The following BTRC variants were observed in gnomAD, a reference collection of about 807,000 sequenced individuals.
BTRC encodes the protein beta-transducin repeat containing E3 ubiquitin protein ligase, also known as F-box/WD repeat-containing protein 1A.
In BTRC, 42 loss-of-function variants were observed where a neutral mutation model predicts 85.5. The observed-to-expected ratio is 0.49, with a 90% CI of 0.38 to 0.64. The LOEUF is 0.64. Ranked by LOEUF, BTRC falls within the 30% of genes least tolerant of loss-of-function variation. The pLI is 0.00. For synonymous variants in BTRC, 255 were observed against 263.3 expected, an observed-to-expected ratio of 0.97 and a Z score of 0.30; for missense variants, 594 against 743.5, an observed-to-expected ratio of 0.80 and a Z score of 2.34.
Position 101,550,840 on chromosome 10 carries a change from T to A in BTRC, c.1798T>A (p.Tyr600Asn). ...AEPPRSPSRT[Y>N]TYISR is the part of the protein sequence containing the mutation. The stretch of plus-strand genomic sequence containing the variant: ...ACCCCCCCGTTCCCCTTCTCGAACA[T>A]ACACCTACATCTCCAGATAAATAAC... The change falls in exon 14 of 15, where the codon TAC (tyrosine) becomes AAC (asparagine). Residue 600 changes from tyrosine (Y) to asparagine (N), a missense_variant. Tyr to Asn is a moderately radical substitution (Grantham distance 143, BLOSUM62 -2). Transcript: ENST00000370187. 1 of 1,613,896 alleles carries A rather than the reference T, an allele frequency of 6.2e-7. No individual in the cohort carries two copies.
chr10:101,439,528 T>C (rs550374843), intron 2 of BTRC, among the ~76,000 whole-genome samples: 2 of 152,342 alleles, frequency 1.3e-5, no homozygotes, highest in South Asian at 4.1e-4. Context: ...CTATGAAATA[T>C]TGAACTGTCA....
At chr10:101,366,529 AT>A in intron 1 of BTRC, among the ~76,000 whole-genome samples, 1 of 151,646 alleles carries the variant, frequency 6.6e-6, no homozygotes, top group Admixed American at 6.6e-5. Flanking sequence ...TTAATGAGAG[AT>A]TTTTTAGAAG....
intron 2 of BTRC, among the ~76,000 whole-genome samples, chr10:101,445,026 T>C (rs1191383569): frequency 1.3e-5 from 2 of 152,182 alleles, no homozygotes; most frequent in Non-Finnish European, 2.9e-5. Context: ...TAAATTGTGG[T>C]TACAAATTTC....
intron 3 of BTRC, among the ~76,000 whole-genome samples, chr10:101,469,915 T>A (rs1268303993): frequency 6.6e-6 from 1 of 152,236 alleles, no homozygotes; most frequent in African/African-American, 2.4e-5. Flanking sequence ...TTGCTGTGTA[T>A]ATCAGTAGTT....
intron 1 of BTRC, among the ~76,000 whole-genome samples, chr10:101,423,821 A>T (rs1944173995): frequency 6.6e-6 from 1 of 152,254 alleles, no homozygotes; most frequent in South Asian, 2.1e-4. Context: ...CACTTTGGTA[A>T]TGAAAAAATA....
intron 4 of BTRC, among the ~76,000 whole-genome samples, chr10:101,508,913 T>TAAACAAAAAAAAAA (rs1946612569): frequency 2.0e-5 from 2 of 101,952 alleles, no homozygotes; most frequent in African/African-American, 3.6e-5. Flanking sequence ...GACTCCATCT[T>TAAACAAAAAAAAAA]AAAAAAAAAA....
chr10:101,509,380 A>C, intron 4 of BTRC, among the ~76,000 whole-genome samples: 1 of 141,176 alleles, frequency 7.1e-6, no homozygotes, highest in Admixed American at 7.3e-5. Flanking sequence ...TCAGCCTCCC[A>C]AGTAGCTGGG....
intron 3 of BTRC, among the ~76,000 whole-genome samples, chr10:101,470,550 G>A (rs888982039): frequency 5.9e-5 from 9 of 151,946 alleles, no homozygotes; most frequent in Non-Finnish European, 1.0e-4. Flanking sequence ...GGCTGGTCTC[G>A]AACTCCAGAC....
intron 4 of BTRC, among the ~76,000 whole-genome samples, chr10:101,483,016 A>G (rs1945881752): frequency 6.6e-6 from 1 of 152,188 alleles, no homozygotes; most frequent in Admixed American, 6.5e-5. Flanking sequence ...TTATAGGCCA[A>G]AACCTTATTA....
chr10:101,393,717 G>A (rs984684656), intron 1 of BTRC, among the ~76,000 whole-genome samples: 2 of 151,258 alleles, frequency 1.3e-5, no homozygotes, highest in East Asian at 2.0e-4. Context: ...GGAAAAACAC[G>A]AGGTTGGAAA....
At chr10:101,497,046 A>G (rs925514700) in intron 4 of BTRC, among the ~76,000 whole-genome samples, 6 of 152,118 alleles carry the variant, frequency 3.9e-5, no homozygotes, top group East Asian at 3.8e-4. Flanking sequence ...TCTAGTTTTT[A>G]TGGTTTTACA....
chr10:101,473,599 T>C (rs564584344), intron 3 of BTRC, among the ~76,000 whole-genome samples: 1 of 151,268 alleles, frequency 6.6e-6, no homozygotes, highest in African/African-American at 2.4e-5. Context: ...GCCTCCCAAG[T>C]AGCTGGGATT....
intron 5 of BTRC, among the ~76,000 whole-genome samples, chr10:101,525,285 A>G (rs1352886820): frequency 2.0e-5 from 3 of 152,186 alleles, no homozygotes; most frequent in Non-Finnish European, 4.4e-5. Context: ...CCTACAAAAT[A>G]TTCTCTGAAA....
chr10:101,355,675 A>C (rs898977687), intron 1 of BTRC, among the ~76,000 whole-genome samples: 25 of 152,224 alleles, frequency 1.6e-4, no homozygotes, highest in Admixed American at 1.6e-3. Flanking sequence ...ATCTTTGCCT[A>C]AAATACCGTA....
intron 2 of BTRC, among the ~76,000 whole-genome samples, chr10:101,432,569 TGAGG>T (rs1456890488): frequency 6.6e-6 from 1 of 152,182 alleles, no homozygotes; most frequent in Non-Finnish European, 1.5e-5. Flanking sequence ...CTGCAAAGTC[TGAGG>T]GAATTGTAGT....
Position 101,536,642 on chromosome 10 carries a change from G to A in BTRC, c.1566G>A (p.Gly522=), listed in dbSNP as rs1470679128. 6.2e-7 allele frequency: 1 copy of A among 1,610,362 alleles called. No individual in the cohort carries two copies. Among genetic ancestry groups the A allele is most frequent in the Admixed American group, 1.7e-5 (1 of 60,004 alleles). ...TTGATAACAAGAGGATAGTCAGTGG[G>A]GCCTATGATGGGTGAGTGTGCTAAC... is the stretch of plus-strand genomic sequence containing the variant. ...IRFDNKRIVS[G]AYDGKIKVWD... The change falls in exon 12 of 15, where the codon GGG becomes GGA. Residue 522 remains glycine, a synonymous_variant. Coordinates refer to ENST00000370187, the MANE Select transcript of BTRC (RefSeq NM_033637.4).
intron 1 of BTRC, among the ~76,000 whole-genome samples, chr10:101,408,348 C>G (rs1943685394): frequency 6.6e-6 from 1 of 151,800 alleles, no homozygotes; most frequent in African/African-American, 2.4e-5. Flanking sequence ...ACTCTGTCAC[C>G]CAGGCTGAAA....
At chr10:101,482,319 C>G (rs1945855602) in intron 4 of BTRC, among the ~76,000 whole-genome samples, 1 of 151,926 alleles carries the variant, frequency 6.6e-6, no homozygotes, top group East Asian at 1.9e-4. Flanking sequence ...CTGTGCCTGG[C>G]CAAGTTTTTT....
chr10:101,525,049 A>G (rs921914971), intron 5 of BTRC, among the ~76,000 whole-genome samples: 3 of 152,050 alleles, frequency 2.0e-5, no homozygotes, highest in African/African-American at 7.2e-5. Context: ...TCTGTAGAAA[A>G]CCTCTGATAT....
Sources: gnomAD v4.1 joint callset for allele counts (sites outside exome capture counted in the v4.1 genomes callset) on GRCh38, gnomAD v4.1.1 for gene constraint, MANE v1.5 for transcripts, NCBI Gene and HGNC (gene_info 2026-07-23, HGNC 2026-07-21) for gene names.